SEMA3A: variants seen among roughly 807,000 people sequenced by gnomAD.
SEMA3A encodes the protein semaphorin-3A.
In SEMA3A, 29 loss-of-function variants were observed where a neutral mutation model predicts 97.9. The ratio of observed to expected loss-of-function variants is 0.30; its 90% CI spans 0.22 to 0.40. The LOEUF is 0.40. Among genes scored for constraint, SEMA3A ranks in the 10% least tolerant of loss-of-function variants. The probability of loss-of-function intolerance (pLI) is 1.00; values close to 1 mark genes in which losing one functional copy is unlikely to be tolerated. For missense variants in SEMA3A, 763 were observed against 951.3 expected (o/e 0.80, Z 2.60); for synonymous variants, 321 against 323.7 (o/e 0.99, Z 0.09).
At chr7:84,067,836 T>G (rs1048793249) in intron 4 of SEMA3A, among the ~76,000 whole-genome samples, 6 of 150,052 alleles carry the variant, frequency 4.0e-5, no homozygotes, top group African/African-American at 1.5e-4. Flanking sequence ...GACTGTAAAC[T>G]AGTTCAACCA....
At chr7:84,472,939 T>A (rs896443093) in intron 1 of SEMA3A, among the ~76,000 whole-genome samples, 2 of 152,148 alleles carry the variant, frequency 1.3e-5, no homozygotes, top group African/African-American at 2.4e-5. Flanking sequence ...GAGATCCTCA[T>A]GTGACAGCAT....
intron 1 of SEMA3A, among the ~76,000 whole-genome samples, chr7:84,377,809 G>C (rs1803146044): frequency 6.6e-6 from 1 of 151,896 alleles, no homozygotes; most frequent in South Asian, 2.1e-4. Context: ...GTCCATCATT[G>C]GTTCAAAGTG....
At chr7:84,139,574 A>C (rs140462011) in intron 1 of SEMA3A, among the ~76,000 whole-genome samples, 1 of 152,218 alleles carries the variant, frequency 6.6e-6, no homozygotes, top group Non-Finnish European at 1.5e-5. Flanking sequence ...TTTGTGCTCA[A>C]TAACTGCTAA....
Position 84,145,873 on chromosome 7 carries a change from C to T in SEMA3A, c.113-10922G>A, listed in dbSNP as rs149447463. ...AAACAAAGCACAGACCTACACCCAC[C>T]ACCTTTACCTTAGTACTGTCTCACT... is the stretch of plus-strand genomic sequence containing the variant. On this transcript the variant is annotated intron_variant, in intron 1 of 16. Transcript: ENST00000265362. Among the ~76,000 whole-genome samples, 875 of 152,212 alleles carry T rather than the reference C, an allele frequency of 5.7e-3. 13 individuals are homozygous for T. Among genetic ancestry groups the T allele is most frequent in the African/African-American group, 0.02 (822 of 41,542 alleles).
At chr7:84,063,158 C>G (rs138101212) in intron 4 of SEMA3A, among the ~76,000 whole-genome samples, 5,456 of 149,468 alleles carry the variant, frequency 0.037, 204 homozygotes, top group East Asian at 0.16. Context: ...AGCAGGGGCA[C>G]ACTGACACCT....
intron 1 of SEMA3A, among the ~76,000 whole-genome samples, chr7:84,158,939 T>C (rs1158676422): frequency 1.3e-5 from 2 of 152,118 alleles, no homozygotes; most frequent in Non-Finnish European, 2.9e-5. Context: ...CCTGAATTTA[T>C]ATAATAGGTC....
intron 1 of SEMA3A, among the ~76,000 whole-genome samples, chr7:84,135,840 T>G (rs1017358356): frequency 6.6e-6 from 1 of 152,220 alleles, no homozygotes; most frequent in Non-Finnish European, 1.5e-5. Context: ...CATGAAAACA[T>G]GAATTAAATT....
At chr7:84,480,076 AAAG>A (rs1806402984) in intron 1 of SEMA3A, among the ~76,000 whole-genome samples, 1 of 152,232 alleles carries the variant, frequency 6.6e-6, no homozygotes, top group Admixed American at 6.5e-5. Flanking sequence ...TTAATTAGAT[AAAG>A]AAGTTTACTA....
At chr7:84,065,656 A>T (rs1793451004) in intron 4 of SEMA3A, among the ~76,000 whole-genome samples, 1 of 151,970 alleles carries the variant, frequency 6.6e-6, no homozygotes, top group Admixed American at 6.6e-5. Context: ...ACGCAAATAA[A>T]CTAGAAAATC....
intron 2 of SEMA3A, among the ~76,000 whole-genome samples, chr7:84,312,067 C>T (rs1048023368): frequency 6.6e-6 from 1 of 151,846 alleles, no homozygotes; most frequent in African/African-American, 2.4e-5. Flanking sequence ...CTGCCTCTAA[C>T]ACAGGCTGAA....
chr7:84,028,143 C>T (rs1050261193), intron 6 of SEMA3A, among the ~76,000 whole-genome samples: 1 of 151,974 alleles, frequency 6.6e-6, no homozygotes, highest in African/African-American at 2.4e-5. Context: ...CGATACATTG[C>T]AGTAAATTGT....
chr7:84,488,224 C>G (rs1283160478), intron 1 of SEMA3A, among the ~76,000 whole-genome samples: 1 of 151,648 alleles, frequency 6.6e-6, no homozygotes, highest in East Asian at 1.9e-4. Flanking sequence ...ATGTTTTTCA[C>G]TAGAGAGACA....
intron 1 of SEMA3A, among the ~76,000 whole-genome samples, chr7:84,483,438 A>G (rs989240779): frequency 6.6e-6 from 1 of 152,238 alleles, no homozygotes; most frequent in Admixed American, 6.5e-5. Flanking sequence ...CCCTTGCAAG[A>G]ATCCTAGAAG....
At chr7:84,476,512 A>G (rs1806285595) in intron 1 of SEMA3A, among the ~76,000 whole-genome samples, 1 of 152,168 alleles carries the variant, frequency 6.6e-6, no homozygotes, top group Admixed American at 6.5e-5. Context: ...ACAGTGCTTA[A>G]TTGAAACAAC....
intron 4 of SEMA3A, among the ~76,000 whole-genome samples, chr7:84,069,202 A>G (rs1461676905): frequency 6.6e-6 from 1 of 152,110 alleles, no homozygotes; most frequent in Non-Finnish European, 1.5e-5. Flanking sequence ...GGCTTTAAGG[A>G]TGTTGAAATC....
At chr7:84,063,480 A>G (rs374439759) in intron 4 of SEMA3A, among the ~76,000 whole-genome samples, 29 of 151,184 alleles carry the variant, frequency 1.9e-4, no homozygotes, top group Admixed American at 3.3e-4. Context: ...TGAGCTACGG[A>G]AGGACATTCA....
chr7:84,293,481 T>C (rs1800799253), intron 3 of SEMA3A, among the ~76,000 whole-genome samples: 1 of 151,964 alleles, frequency 6.6e-6, no homozygotes. Flanking sequence ...ACCTACCTAC[T>C]AATAGACATG....
rs1420884276 is a variant in SEMA3A, at chr7:84,091,158, AGG to A, written c.453+19310_453+19311del. Among the ~76,000 whole-genome samples the A allele has an allele frequency of 2.8e-3, 101 of 36,640 alleles. 2 individuals are homozygous for A. Among genetic ancestry groups the A allele is most frequent in the East Asian group, 0.017 (22 of 1,294 alleles). The allele number at this position is 36,640 out of a possible 152,430, so 24.0% of individuals were successfully genotyped here. ...AAAGAAGGAAGGAAGGAAGGAAGGA[AGG>A]AAGGAAGGAAAGAAAGAAAGAAAGA... On this transcript the variant is annotated intron_variant, in intron 4 of 16. Coordinates refer to ENST00000265362, the MANE Select transcript of SEMA3A (RefSeq NM_006080.3).
At chr7:84,492,720 A>G (rs1806766027) in exon 1 of SEMA3A, 1 of 151,812 alleles carries the variant, frequency 6.6e-6, no homozygotes, top group Non-Finnish European at 1.5e-5. Flanking sequence ...ATCAGGCTTC[A>G]TCTCTATTAG....
Sources: allele counts gnomAD v4.1 joint callset (sites outside exome capture counted in the v4.1 genomes callset), GRCh38; gene constraint gnomAD v4.1.1; transcripts MANE v1.5; gene names NCBI Gene and HGNC (gene_info 2026-07-23, HGNC 2026-07-21).